ABCG2: variants seen among roughly 807,000 people sequenced by gnomAD.
ABCG2 encodes the protein broad substrate specificity ATP-binding cassette transporter ABCG2.
A neutral mutation model predicts 73.5 loss-of-function variants in ABCG2; 80 were observed. That is an observed-to-expected ratio of 1.09 (90% CI 0.91 to 1.31). The LOEUF (loss-of-function observed/expected upper bound fraction) is 1.31. ABCG2 is among the 50% of genes most tolerant of loss of function. The pLI is 0.00. For missense variants in ABCG2, 796 were observed against 786.2 expected (o/e 1.01, Z -0.15); for synonymous variants, 269 against 282.4 (o/e 0.95, Z 0.48).
chr4:88,124,179 A>G (rs2199936), intron 5 of ABCG2, among the ~76,000 whole-genome samples: 133,689 of 152,158 alleles, frequency 0.88, 58,945 homozygotes, highest in Middle Eastern at 0.94. Flanking sequence ...AATATAGAAC[A>G]GAAAAACTGG....
intron 1 of ABCG2, among the ~76,000 whole-genome samples, chr4:88,152,512 T>TG: frequency 6.6e-6 from 1 of 151,590 alleles, no homozygotes; most frequent in African/African-American, 2.4e-5. Flanking sequence ...TGGGCAGGGG[T>TG]GGGGCGTCAC....
At chr4:88,136,861 A>G (rs918124779) in intron 2 of ABCG2, among the ~76,000 whole-genome samples, 5 of 151,806 alleles carry the variant, frequency 3.3e-5, no homozygotes, top group Non-Finnish European at 7.4e-5. Context: ...ACTAAGATAC[A>G]AAAAATTAGC....
chr4:88,099,624 C>G (rs1722257139), intron 11 of ABCG2, among the ~76,000 whole-genome samples, 176 bp from the exon 12 acceptor site: 1 of 152,184 alleles, frequency 6.6e-6, no homozygotes, highest in South Asian at 2.1e-4. Flanking sequence ...GCCAGCCTCC[C>G]TGAGAAAGCA....
chr4:88,136,637 T>C (rs949795237), intron 2 of ABCG2, among the ~76,000 whole-genome samples: 5 of 152,202 alleles, frequency 3.3e-5, no homozygotes, highest in African/African-American at 1.2e-4. Flanking sequence ...GCCCAAGAGA[T>C]TGAGGCTGCA....
intron 7 of ABCG2, among the ~76,000 whole-genome samples, chr4:88,115,287 T>G (rs1387535345): frequency 1.5e-4 from 19 of 129,370 alleles, no homozygotes; most frequent in African/African-American, 5.0e-4. Flanking sequence ...TATATATAAT[T>G]TATTTATTTA....
At chr4:88,224,438 C>CAAAAACA (rs3061241) in intron 1 of ABCG2, among the ~76,000 whole-genome samples, 83,467 of 150,524 alleles carry the variant, frequency 0.55, 23,420 homozygotes, top group Middle Eastern at 0.66. Context: ...GACCCTGTCT[C>CAAAAACA]AAAAACAAAA....
At chr4:88,220,397 A>G (rs952864135) in intron 1 of ABCG2, among the ~76,000 whole-genome samples, 1 of 152,244 alleles carries the variant, frequency 6.6e-6, no homozygotes, top group Non-Finnish European at 1.5e-5. Context: ...ACTGTTCTCC[A>G]CAGTAGCTAC....
Position 88,185,489 on chromosome 4 carries a change from T to C in ABCG2, c.-19-45475A>G, listed in dbSNP as rs182635375. ...TGAGCACAGGCAACTAAAGCAAAAA[T>C]GGATAAATGGGATCACATCAAGTTA... On this transcript the variant is annotated intron_variant, in intron 1 of 15. Transcript: ENST00000515655. Among the ~76,000 whole-genome samples, 611 of 152,122 alleles carry C rather than the reference T, an allele frequency of 4.0e-3. 2 individuals carry two copies. Among genetic ancestry groups the C allele is most frequent in the Middle Eastern group, 0.017 (5 of 294 alleles).
chr4:88,139,140 C>CAAAA (rs35885773), intron 2 of ABCG2, among the ~76,000 whole-genome samples: 1 of 102,578 alleles, frequency 9.7e-6, no homozygotes. Context: ...GACTCCCTCT[C>CAAAA]AAAAAAAAAA....
intron 2 of ABCG2, among the ~76,000 whole-genome samples, chr4:88,138,913 C>T (rs963927024): frequency 3.3e-5 from 5 of 151,966 alleles, no homozygotes; most frequent in African/African-American, 1.2e-4. Context: ...GAGGCTGAGG[C>T]GGGTGGATCA....
intron 15 of ABCG2, among the ~76,000 whole-genome samples, chr4:88,093,039 C>T (rs949773121): frequency 6.6e-6 from 1 of 152,098 alleles, no homozygotes; most frequent in Non-Finnish European, 1.5e-5. Context: ...CAGGTTTAAG[C>T]CTTAAGTGGC....
intron 1 of ABCG2, among the ~76,000 whole-genome samples, chr4:88,183,911 T>C (rs182364218): frequency 6.6e-6 from 1 of 152,236 alleles, no homozygotes; most frequent in Non-Finnish European, 1.5e-5. Flanking sequence ...GTTCAACATA[T>C]ACAAATCCAT....
At position 88,105,268 on chromosome 4, in the gene ABCG2, G is replaced by A. The variant is rs6831395; in HGVS notation, c.1277+1916C>T. ...CTTTAAAAAATAATCAGCCTTTCCA[G>A]ACATCAAAATAGGCTGCACATAAGC... On this transcript the variant is annotated intron_variant, in intron 10 of 15. Coordinates refer to ENST00000237612, the MANE Select transcript of ABCG2 (RefSeq NM_004827.3). Among the ~76,000 whole-genome samples, 1,065 of 152,276 alleles carry A rather than the reference G, an allele frequency of 7.0e-3. 7 individuals are homozygous for A. Among genetic ancestry groups the A allele is most frequent in the African/African-American group, 0.025 (1,025 of 41,554 alleles).
intron 10 of ABCG2, among the ~76,000 whole-genome samples, chr4:88,102,774 T>C (rs1380236318): frequency 1.3e-5 from 2 of 152,012 alleles, no homozygotes; most frequent in African/African-American, 4.8e-5. Context: ...TGACACATCA[T>C]TTAAATGGCG....
At chr4:88,192,197 AG>A (rs1206143368) in intron 1 of ABCG2, among the ~76,000 whole-genome samples, 2 of 144,520 alleles carry the variant, frequency 1.4e-5, no homozygotes, top group Non-Finnish European at 3.0e-5. Flanking sequence ...AAAAAAAAAA[AG>A]AAAGAAATTT....
chr4:88,108,176 A>C (rs569567723), intron 9 of ABCG2, among the ~76,000 whole-genome samples: 1 of 152,284 alleles, frequency 6.6e-6, no homozygotes, highest in African/African-American at 2.4e-5. Flanking sequence ...ACGTTATGAT[A>C]TAATTTATCT....
At chr4:88,129,403 T>C (rs1344601616) in intron 5 of ABCG2, among the ~76,000 whole-genome samples, 1 of 152,196 alleles carries the variant, frequency 6.6e-6, no homozygotes, top group Non-Finnish European at 1.5e-5. Context: ...GCTTCAATTA[T>C]TTAGATAAAT....
chr4:88,095,824 G>A (rs1196499157), intron 13 of ABCG2, among the ~76,000 whole-genome samples: 2 of 152,130 alleles, frequency 1.3e-5, no homozygotes, highest in East Asian at 1.9e-4. Context: ...GGTTTTAAAG[G>A]AAGAACAAAA....
At chr4:88,206,040 G>A (rs536410033) in intron 1 of ABCG2, among the ~76,000 whole-genome samples, 1 of 152,146 alleles carries the variant, frequency 6.6e-6, no homozygotes, top group South Asian at 2.1e-4. Context: ...ACAATACTTC[G>A]TTCTCTAATC....
Sources: gnomAD v4.1 joint callset for allele counts (sites outside exome capture counted in the v4.1 genomes callset) on GRCh38, gnomAD v4.1.1 for gene constraint, MANE v1.5 for transcripts, NCBI Gene and HGNC (gene_info 2026-07-23, HGNC 2026-07-21) for gene names.